The following RANBP1 variants were observed in gnomAD, a reference collection of about 807,000 sequenced individuals.
RANBP1 encodes the protein ran-specific GTPase-activating protein.
In RANBP1, 16 loss-of-function variants were observed where a neutral mutation model predicts 31.4. The ratio of observed to expected loss-of-function variants is 0.51; its 90% CI spans 0.34 to 0.77. The LOEUF (loss-of-function observed/expected upper bound fraction) is 0.77. Ranked by LOEUF, RANBP1 falls within the 30% of genes least tolerant of loss-of-function variation. The probability of loss-of-function intolerance (pLI) is 0.01; values close to 1 mark genes in which losing one functional copy is unlikely to be tolerated. For missense variants in RANBP1, 265 were observed against 362.0 expected, an observed-to-expected ratio of 0.73 and a Z score of 2.17; for synonymous variants, 129 against 140.5, an observed-to-expected ratio of 0.92 and a Z score of 0.58.
chr22:20,117,706 C>CGGGGGGGAT (rs374944780), intron 1 of RANBP1: 1 of 1,113,042 alleles, frequency 9.0e-7, no homozygotes, highest in Non-Finnish European at 1.1e-6. Context: ...GCGGGCGGGG[C>CGGGGGGGAT]CGGGGCCGTT....
chr22:20,126,064 G>A (rs1247709841), intron 4 of RANBP1, among the ~76,000 whole-genome samples: 1 of 152,262 alleles, frequency 6.6e-6, no homozygotes, highest in Non-Finnish European at 1.5e-5. Context: ...CGAGCCTGTG[G>A]CAAAGAGGCC....
chr22:20,121,015 G>A (rs1173594755), intron 2 of RANBP1, among the ~76,000 whole-genome samples: 5 of 152,206 alleles, frequency 3.3e-5, no homozygotes, highest in African/African-American at 1.2e-4. Context: ...GTGCAGTGGC[G>A]CGATCTTGGC....
At position 20,127,219 on chromosome 22, in the gene RANBP1, T is replaced by C; in HGVS notation, c.*167T>C. The C allele has an allele frequency of 2.0e-6, 1 of 509,548 alleles. No individual in the cohort carries two copies. Among genetic ancestry groups the C allele is most frequent in the Non-Finnish European group, 3.4e-6 (1 of 298,414 alleles). 31.6% of individuals were successfully genotyped at this position (509,548 alleles called of 1,614,324 possible). A position where few individuals can be genotyped will look rare whatever the true frequency, so the allele number is the denominator to read the frequency against. On this transcript the variant is annotated 3_prime_UTR_variant, in exon 6 of 6. Coordinates refer to ENST00000430524, the MANE Select transcript of RANBP1 (RefSeq NM_001278639.2). ...GTTTTTTTTTTTTGTTTCTAAGTTT[T>C]TGCCCTATTGAAGATGACTTCAGAA...
intron 1 of RANBP1, chr22:20,117,758 T>G: frequency 9.3e-7 from 1 of 1,072,170 alleles, no homozygotes; most frequent in Middle Eastern, 4.2e-4. Context: ...GCCACCAACC[T>G]CCGCCGGCCT....
chr22:20,120,061 AGGTTGTAGTTTTTCCCTGTTCAAGTTCAT>A (rs1175495880), intron 2 of RANBP1, among the ~76,000 whole-genome samples: 3 of 152,186 alleles, frequency 2.0e-5, no homozygotes, highest in Non-Finnish European at 4.4e-5. Context: ...AGTGAAAATG[AGGTTGTAGTTTTTCCCTGTTCAAGTTCAT>A]GGAATCCCCC....
chr22:20,117,808 C>T, intron 1 of RANBP1: 1 of 1,021,994 alleles, frequency 9.8e-7, no homozygotes, highest in South Asian at 4.6e-5. Flanking sequence ...GGCGCGGAGT[C>T]GGGGCGCGTG....
At chr22:20,117,535 G>T in intron 1 of RANBP1, 2 of 1,367,760 alleles carry the variant, frequency 1.5e-6, no homozygotes, top group Non-Finnish European at 1.9e-6. Context: ...GGAAGAGCGG[G>T]CGGGCGGGAG....
chr22:20,126,635 G>T (rs1426873031), intron 5 of RANBP1: 1 of 1,519,384 alleles, frequency 6.6e-7, no homozygotes, highest in Non-Finnish European at 8.9e-7. Flanking sequence ...GCTTTATGAT[G>T]GTCCTCGGTT....
In RANBP1 at chr22:20,122,899, CTGTGTGGTGTCTGAAGG is replaced by C. The variant is rs572135609; in HGVS notation, c.541+492_541+508del. Among the ~76,000 whole-genome samples the C allele has an allele frequency of 7.4e-3, 657 of 89,266 alleles. 12 individuals are homozygous for C. The highest frequency in any genetic ancestry group is 0.029 in the African/African-American group (614 of 21,174). 58.6% of individuals were successfully genotyped at this position (89,266 alleles called of 152,430 possible). ...TGTGTGTGGTGTCTGGGGCAGGGGGCTGTGTGGTGTCTGAAGGTGTGTGGTGTCTGGGGCGGGGGTTG... is the reference window on the plus strand; with the variant it reads ...TGTGTGTGGTGTCTGGGGCAGGGGGCTGTGTGGTGTCTGGGGCGGGGGTTG... On this transcript the variant is annotated intron_variant, in intron 3 of 5. Coordinates refer to ENST00000430524, the MANE Select transcript of RANBP1 (RefSeq NM_001278639.2).
At chr22:20,116,667 C>T (rs2050032940) in intron 1 of RANBP1, 2 of 1,504,964 alleles carry the variant, frequency 1.3e-6, no homozygotes, top group South Asian at 2.7e-5. Context: ...GGGGCCTGGC[C>T]CCCCAAGCTT....
chr22:20,119,238 C>G (rs2050123099), intron 2 of RANBP1, 89 bp downstream of exon 2: 3 of 1,267,322 alleles, frequency 2.4e-6, no homozygotes, highest in Non-Finnish European at 3.4e-6. Flanking sequence ...GACTTTTAAT[C>G]AGACTGAGGC....
chr22:20,123,683 C>T (rs547908632), intron 3 of RANBP1, among the ~76,000 whole-genome samples: 29 of 151,966 alleles, frequency 1.9e-4, no homozygotes, highest in African/African-American at 6.5e-4. Flanking sequence ...AAGTAGAGGC[C>T]CTTGGGCAGG....
At chr22:20,116,821 T>G in intron 1 of RANBP1, 1 of 1,453,600 alleles carries the variant, frequency 6.9e-7, no homozygotes, top group South Asian at 1.2e-5. Context: ...GCAGGTTTCC[T>G]GACCCACCCC....
chr22:20,126,913 C>T (rs377248011), intron 5 of RANBP1, 39 bp from the exon 6 acceptor site: 359 of 1,598,166 alleles, frequency 2.2e-4, no homozygotes, highest in African/African-American at 2.8e-4. Flanking sequence ...TTGAATGCAC[C>T]GTGCTTCTGT....
chr22:20,126,642 G>C, intron 5 of RANBP1: 1 of 1,516,782 alleles, frequency 6.6e-7, no homozygotes, highest in Non-Finnish European at 8.9e-7. Flanking sequence ...GATGGTCCTC[G>C]GTTTGTCTCT....
intron 5 of RANBP1, chr22:20,126,572 T>C (rs1290011805): frequency 1.6e-5 from 25 of 1,550,474 alleles, no homozygotes; most frequent in Non-Finnish European, 2.2e-5. Context: ...CTGGCCTCAG[T>C]CCAATTGGGC....
intron 1 of RANBP1, chr22:20,118,087 C>T (rs987215234): frequency 4.6e-5 from 46 of 999,360 alleles, no homozygotes; most frequent in Non-Finnish European, 5.2e-5. Flanking sequence ...CTGGAACCGC[C>T]ACTGGCCTCT....
chr22:20,123,925 G>C (rs2050242757), intron 3 of RANBP1, among the ~76,000 whole-genome samples: 1 of 152,094 alleles, frequency 6.6e-6, no homozygotes, highest in South Asian at 2.1e-4. Flanking sequence ...CCTCATCCCA[G>C]GTGCAGGATG....
At position 20,116,393 on chromosome 22, in the gene RANBP1, G is replaced by C. The variant is rs374854124; in HGVS notation, c.209G>C (p.Arg70Pro). The change falls in exon 1 of 6, where the codon CGA becomes CCA. Residue 70 changes from arginine to proline, a missense_variant. Coordinates refer to ENST00000430524, the MANE Select transcript of RANBP1 (RefSeq NM_001278639.2). ...KRRTSLKLAWRGTFCSSSLKI... is the reference protein window; with the variant it reads ...KRRTSLKLAWPGTFCSSSLKI... ...CGGACGTCGCTGAAGCTGGCGTGGC[G>C]AGGCACGTTCTGCAGCTCCAGTTTA... 6.2e-7 allele frequency: 1 copy of C among 1,611,960 alleles called. No homozygotes were observed. Among genetic ancestry groups the C allele is most frequent in the Admixed American group, 1.7e-5 (1 of 60,020 alleles).
Sources: gnomAD v4.1 joint callset for allele counts (sites outside exome capture counted in the v4.1 genomes callset) on GRCh38, gnomAD v4.1.1 for gene constraint, MANE v1.5 for transcripts, NCBI Gene and HGNC (gene_info 2026-07-23, HGNC 2026-07-21) for gene names.